The following PSME4 variants were observed in gnomAD, a reference collection of about 807,000 sequenced individuals.
PSME4 encodes proteasome activator complex subunit 4.
A neutral mutation model predicts 253.9 loss-of-function variants in PSME4; 89 were observed. The observed-to-expected ratio is 0.35, with a 90% CI of 0.30 to 0.42. The LOEUF is 0.42. Ranked by LOEUF, PSME4 falls within the 10% of genes least tolerant of loss-of-function variation. The pLI is 1.00. For synonymous variants in PSME4, 851 were observed against 759.2 expected, an observed-to-expected ratio of 1.12 and a Z score of -1.99; for missense variants, 2,014 against 2,195.2, an observed-to-expected ratio of 0.92 and a Z score of 1.65.
chr2:53,925,802 T>A, intron 13 of PSME4, 113 bp from the exon 14 acceptor site: 1 of 1,263,506 alleles, frequency 7.9e-7, no homozygotes, highest in Non-Finnish European at 1.1e-6. Flanking sequence ...GCTACTTAAT[T>A]TCTACGTGGT....
At chr2:53,958,687 T>C (rs552708839) in intron 1 of PSME4, among the ~76,000 whole-genome samples, 8 of 152,060 alleles carry the variant, frequency 5.3e-5, no homozygotes, top group African/African-American at 1.9e-4. Context: ...TAACAAAAAT[T>C]AGGGTAATTA....
At chr2:53,894,658 A>G (rs1339601507) in intron 34 of PSME4, among the ~76,000 whole-genome samples, 1 of 149,086 alleles carries the variant, frequency 6.7e-6, no homozygotes, top group East Asian at 1.9e-4. Flanking sequence ...GAGATCCCAT[A>G]ATTTATATGC....
In PSME4 at chr2:53,934,619, T is replaced by C. The variant is rs146618010; in HGVS notation, c.943A>G (p.Ile315Val). 185 of 1,610,312 alleles carry C rather than the reference T, an allele frequency of 1.1e-4. No homozygotes were observed. The highest frequency in any genetic ancestry group is 1.5e-4 in the Non-Finnish European group (174 of 1,177,984). ...GTATTACAAACCATCATGGCGGTGA[T>C]CCATATTACAGCATGTCCTATATCA... ...AYDIGHAVIW[I>V]TAMMGGPSKL... The change falls in exon 8 of 47, where the codon ATC (isoleucine) becomes GTC (valine). Residue 315 changes from isoleucine to valine, a missense_variant. Coordinates refer to ENST00000404125, the MANE Select transcript of PSME4 (RefSeq NM_014614.3).
chr2:53,889,009 G>A (rs779405032), intron 37 of PSME4, among the ~76,000 whole-genome samples, 197 bp from the exon 38 acceptor site: 21 of 152,234 alleles, frequency 1.4e-4, no homozygotes, highest in Middle Eastern at 3.4e-3. Context: ...GGGACCACAG[G>A]CATGCGCCAC....
intron 1 of PSME4, among the ~76,000 whole-genome samples, chr2:53,953,647 A>G (rs989879928): frequency 3.3e-5 from 5 of 151,088 alleles, no homozygotes; most frequent in Middle Eastern, 3.4e-3. Flanking sequence ...CTGGAGTGCT[A>G]GAGTGCAGAC....
intron 1 of PSME4, among the ~76,000 whole-genome samples, chr2:53,956,419 A>C (rs1048834186): frequency 2.0e-5 from 3 of 151,510 alleles, no homozygotes; most frequent in Non-Finnish European, 2.9e-5. Flanking sequence ...AATCCCAGCT[A>C]CTCGGGGGGC....
In PSME4 at chr2:53,886,971, T is replaced by C. The variant is rs552631527; in HGVS notation, c.4729+288A>G. 2.6e-5 allele frequency among the ~76,000 whole-genome samples: 4 copies of C among 152,214 alleles called. No individual in the cohort carries two copies. In the South Asian group the frequency reaches 8.3e-4, roughly 32 times the overall value. ...AATGGGCAAATTCAGAGATGGAAAG[T>C]AGACAGTGGTTATAAAGGATGAGGG... On this transcript the variant is annotated intron_variant, in intron 40 of 46. Coordinates refer to ENST00000404125, the MANE Select transcript of PSME4 (RefSeq NM_014614.3).
At chr2:53,963,426 G>A (rs1276526483) in intron 1 of PSME4, among the ~76,000 whole-genome samples, 1 of 152,136 alleles carries the variant, frequency 6.6e-6, no homozygotes, top group Non-Finnish European at 1.5e-5. Flanking sequence ...CCAGTGCCCA[G>A]CCCACGCATT....
Position 53,949,195 on chromosome 2 carries a change from G to C in PSME4, c.331C>G (p.Leu111Val). The change falls in exon 2 of 47, where the codon CTG becomes GTG. Residue 111 changes from leucine to valine, a missense_variant. By Grantham distance (32) the Leu-to-Val change is conservative (BLOSUM62 1). Coordinates refer to ENST00000404125, the MANE Select transcript of PSME4 (RefSeq NM_014614.3). ...AATCCCTGCATCATGCTGATTTCCA[G>C]TTTTGGAATTGATACCAGCTCATAC... is the stretch of plus-strand genomic sequence containing the variant. ...LLYELVSIPK[L>V]EISMMQGFAR... is the part of the protein sequence containing the mutation. The C allele has an allele frequency of 6.2e-7, 1 of 1,611,696 alleles. No individual in the cohort carries two copies. The highest frequency in any genetic ancestry group is 1.1e-5 in the South Asian group (1 of 90,434).
At chr2:53,940,024 A>G (rs371027107) in intron 3 of PSME4, 24 bp from the exon 4 acceptor site, 17 of 1,529,338 alleles carry the variant, frequency 1.1e-5, no homozygotes, top group Non-Finnish European at 1.5e-5. Flanking sequence ...GCCATTTGAT[A>G]ATTAGATTGG....
At chr2:53,941,292 C>A (rs1358210888) in intron 3 of PSME4, among the ~76,000 whole-genome samples, 1 of 147,938 alleles carries the variant, frequency 6.8e-6, no homozygotes, top group Admixed American at 6.9e-5. Flanking sequence ...CATGAGATGA[C>A]TTCTAAAATA....
At chr2:53,882,357 TC>T (rs1370658864) in intron 41 of PSME4, among the ~76,000 whole-genome samples, 5 of 152,178 alleles carry the variant, frequency 3.3e-5, no homozygotes, top group African/African-American at 1.2e-4. Context: ...GGATGCAATA[TC>T]TTTTAATTTA....
chr2:53,965,799 A>G lies in PSME4; in HGVS notation c.242+4744T>C, dbSNP rs1191420877. ...ATTCTTCTGCCTCAGCCCCCCGAGT[A>G]GCTGGGACTACAGGCACCCGCCATC... is the stretch of plus-strand genomic sequence containing the variant. On this transcript the variant is annotated intron_variant, in intron 1 of 46. Transcript: ENST00000404125. Among the ~76,000 whole-genome samples the G allele has an allele frequency of 2.6e-5, 4 of 151,658 alleles. No individual in the cohort carries two copies. In the East Asian group the frequency reaches 7.8e-4, roughly 30 times the overall value.
intron 18 of PSME4, among the ~76,000 whole-genome samples, chr2:53,920,563 A>G (rs1279981195): frequency 6.6e-6 from 1 of 152,242 alleles, no homozygotes; most frequent in Non-Finnish European, 1.5e-5. Context: ...AAGAGTACTC[A>G]TTATAATATG....
chr2:53,877,594 T>A (rs805392), intron 41 of PSME4, among the ~76,000 whole-genome samples: 79,705 of 151,962 alleles, frequency 0.52, 21,247 homozygotes, highest in East Asian at 0.71. Flanking sequence ...CTCCTAAACC[T>A]ACTTAACGGG....
At chr2:53,960,559 T>C (rs546500056) in intron 1 of PSME4, among the ~76,000 whole-genome samples, 2 of 152,336 alleles carry the variant, frequency 1.3e-5, no homozygotes, top group East Asian at 1.9e-4. Flanking sequence ...ATAACATTTA[T>C]TGATTTCAAC....
intron 41 of PSME4, among the ~76,000 whole-genome samples, chr2:53,878,199 T>C (rs1679221749): frequency 6.6e-6 from 1 of 152,254 alleles, no homozygotes; most frequent in Non-Finnish European, 1.5e-5. Context: ...TTAATACTTT[T>C]ATAATTTATT....
At position 53,908,529 on chromosome 2, in the gene PSME4, G is replaced by T; in HGVS notation, c.2666C>A (p.Ser889Ter). ...ILDNSEDDTKSLFLIIKIIGD... is the reference protein window; with the variant it reads ...ILDNSEDDTK The stretch of plus-strand genomic sequence containing the variant: ...ATGTACCTTTATAATAAGAAACAAT[G>T]ACTTAGTATCATCTTCTGAATTATC... The change falls in exon 23 of 47, where the codon TCA becomes TAA. Residue 889 changes from serine to a stop codon, truncating the protein, a stop_gained. Transcript: ENST00000404125. LOFTEE classifies it high-confidence loss of function. 6.2e-7 allele frequency: 1 copy of T among 1,608,638 alleles called. No homozygotes were observed. Among genetic ancestry groups the T allele is most frequent in the South Asian group, 1.1e-5 (1 of 89,814 alleles).
At chr2:53,874,820 C>A (rs805390) in intron 42 of PSME4, among the ~76,000 whole-genome samples, 43,653 of 152,012 alleles carry the variant, frequency 0.29, 6,635 homozygotes, top group South Asian at 0.46. Context: ...TGGCAGGCAC[C>A]TGTAATCCCA....
Sources: allele counts gnomAD v4.1 joint callset (sites outside exome capture counted in the v4.1 genomes callset), GRCh38; gene constraint gnomAD v4.1.1; transcripts MANE v1.5; gene names NCBI Gene and HGNC (gene_info 2026-07-23, HGNC 2026-07-21).